Variants in PTRH1 observed in about 807,000 individuals in gnomAD.
The protein encoded by PTRH1 is peptidyl-tRNA hydrolase 1 homolog, also known as peptidyl-tRNA hydrolase.
A neutral mutation model predicts 15.7 loss-of-function variants in PTRH1; 13 were observed. The observed-to-expected ratio is 0.83, with a 90% CI of 0.54 to 1.31. PTRH1 has a LOEUF of 1.31. PTRH1 is among the 40% of genes most tolerant of loss of function. The pLI is 0.00. For synonymous variants in PTRH1, 139 were observed against 136.7 expected (o/e 1.02, Z -0.12); for missense variants, 319 against 296.2 (o/e 1.08, Z -0.56).
At chr9:127,712,949 G>C, downstream of PTRH1, 1 of 1,592,144 alleles carries the variant, frequency 6.3e-7, no homozygotes, top group South Asian at 1.1e-5. Flanking sequence ...CATGGGGACA[G>C]TGCTCGGCTC....
At chr9:127,704,052 A>G (rs891185500) in intron 1 of PTRH1, among the ~76,000 whole-genome samples, 8 of 152,184 alleles carry the variant, frequency 5.3e-5, no homozygotes, top group Non-Finnish European at 1.2e-4. Context: ...TGTCTTTTTG[A>G]CCACACCTGC....
At chr9:127,695,434 C>G (rs1279490167) in intron 1 of PTRH1, 1 of 357,816 alleles carries the variant, frequency 2.8e-6, no homozygotes, top group African/African-American at 2.1e-5. Context: ...CATGGGTAAA[C>G]AGCAAACTGT....
Position 127,714,392 on chromosome 9 carries a change from C to T in PTRH1, c.449G>A (p.Cys150Tyr). The change falls in exon 4 of 5, where the codon TGC becomes TAC. Residue 150 changes from cysteine to tyrosine, a missense_variant. Physicochemically the swap from Cys to Tyr is radical, Grantham distance 194. Transcript: ENST00000543175. Reference sequence around the variant, plus strand: ...GGGTAGACTCACATTGGAGTTGAGGCAGCTAATGCAGGAACGGACTCCATT... The same window carrying T: ...GGGTAGACTCACATTGGAGTTGAGGTAGCTAATGCAGGAACGGACTCCATT... ...GHNGVRSCIS[C>Y]LNSNAMPRLR... is the part of the protein sequence containing the mutation. 6.2e-7 allele frequency: 1 copy of T among 1,614,234 alleles called. No homozygotes were observed. Among genetic ancestry groups the T allele is most frequent in the Non-Finnish European group, 8.5e-7 (1 of 1,180,038 alleles).
intron 3 of PTRH1, 44 bp from the exon 4 acceptor site, chr9:127,714,468 G>A (rs532352548): frequency 6.2e-7 from 1 of 1,611,126 alleles, no homozygotes; most frequent in South Asian, 1.1e-5. Flanking sequence ...CCCTGGGGCA[G>A]TGTCCTTCCA....
downstream of PTRH1, chr9:127,709,623 G>A (rs963690829): frequency 1.2e-5 from 19 of 1,613,738 alleles, no homozygotes; most frequent in South Asian, 7.7e-5. This position sits in a 1 kb window ranked among gnomAD's most constrained non-coding sequence, Gnocchi z 4.7. Context: ...CCTTCGAGGC[G>A]CAGCTGGCCC....
chr9:127,712,638 T>G (rs1842793219), downstream of PTRH1: 1 of 1,612,038 alleles, frequency 6.2e-7, no homozygotes, highest in East Asian at 2.2e-5. Context: ...GGCACTGAGG[T>G]TGGAATTTCC....
intron 1 of PTRH1, among the ~76,000 whole-genome samples, chr9:127,703,849 A>G (rs1336679809): frequency 6.6e-6 from 1 of 152,290 alleles, no homozygotes; most frequent in East Asian, 1.9e-4. Flanking sequence ...TCAACCTGCC[A>G]CACCTGGAGA....
At chr9:127,711,253 C>T (rs1213792265), downstream of PTRH1, 16 of 1,613,978 alleles carry the variant, frequency 9.9e-6, no homozygotes, top group Non-Finnish European at 1.3e-5. Context: ...TCATCCAGCG[C>T]GTGAACCTCG....
At chr9:127,714,941 G>GCCCCCCCCCCCCCCCCCCCCC in intron 2 of PTRH1, 34 bp downstream of exon 2, 3 of 446,380 alleles carry the variant, frequency 6.7e-6, no homozygotes, top group Non-Finnish European at 1.2e-5. Context: ...CACCCCCTTG[G>GCCCCCCCCCCCCCCCCCCCCC]CCCGCCCGCC....
Position 127,714,394 on chromosome 9 carries a change from G to C in PTRH1, c.447C>G (p.Ser149Arg). ...GTAGACTCACATTGGAGTTGAGGCA[G>C]CTAATGCAGGAACGGACTCCATTGT... ...RGHNGVRSCI[S>R]CLNSNAMPRL... Residue 149 changes from serine to arginine, a missense_variant, in exon 4 of 5, where the codon AGC becomes AGG. Coordinates refer to ENST00000543175, the MANE Select transcript of PTRH1 (RefSeq NM_001002913.3). 6.2e-7 allele frequency: 1 copy of C among 1,614,244 alleles called. No homozygotes were observed. The highest frequency in any genetic ancestry group is 8.5e-7 in the Non-Finnish European group (1 of 1,180,034).
In PTRH1 at chr9:127,694,849, C is replaced by T. The variant is rs1288841718; in HGVS notation, c.420+78G>A. The T allele has an allele frequency of 8.0e-6, 5 of 625,828 alleles. No homozygotes were observed. The African/African-American group carries it at 9.1e-5, about 11-fold the overall frequency. The allele number at this position is 625,828 out of a possible 1,614,324, so 38.8% of individuals were successfully genotyped here. ...ACCGTTGGAGACTTTTAGCAGTGGC[C>T]TGTGGGTTCCATCTCTTCTGGGTAC... is the stretch of plus-strand genomic sequence containing the variant. On this transcript the variant is annotated intron_variant, in intron 2 of 2. Transcript: ENST00000335223.
At chr9:127,706,794 C>T (rs1367606824) in intron 1 of PTRH1, among the ~76,000 whole-genome samples, 1 of 152,194 alleles carries the variant, frequency 6.6e-6, no homozygotes, top group African/African-American at 2.4e-5. Flanking sequence ...CCCAGAAGCC[C>T]AAAAAGTTGC....
intron 1 of PTRH1, among the ~76,000 whole-genome samples, chr9:127,697,707 CA>C (rs1056400196): frequency 3.3e-5 from 5 of 152,170 alleles, no homozygotes; most frequent in Non-Finnish European, 7.3e-5. Context: ...CACCAGATGA[CA>C]AGGCTGGTGG....
chr9:127,704,185 G>T (rs1467171867), intron 1 of PTRH1, among the ~76,000 whole-genome samples: 3 of 152,082 alleles, frequency 2.0e-5, no homozygotes, highest in Non-Finnish European at 4.4e-5. Flanking sequence ...ATACCAGCTG[G>T]GTATCCAACA....
downstream of PTRH1, chr9:127,713,255 G>C: frequency 7.2e-7 from 1 of 1,387,364 alleles, no homozygotes; most frequent in Non-Finnish European, 9.8e-7. Flanking sequence ...GCTAGTCCTG[G>C]GTACAAACTG....
chr9:127,704,103 G>T (rs1399881580), intron 1 of PTRH1, among the ~76,000 whole-genome samples: 1 of 152,216 alleles, frequency 6.6e-6, no homozygotes, highest in Non-Finnish European at 1.5e-5. Context: ...ACGACACAGA[G>T]CTGGGGGGTT....
In PTRH1 at chr9:127,714,048, G is replaced by C; in HGVS notation, c.*52C>G. ...AGGCTGGCGTGGCAGCTCTGTGGCAGTGGCTGGGTTGGTGGGCACTACAGT... is the reference window on the plus strand; with the variant it reads ...AGGCTGGCGTGGCAGCTCTGTGGCACTGGCTGGGTTGGTGGGCACTACAGT... On this transcript the variant is annotated 3_prime_UTR_variant, in exon 5 of 5. Coordinates refer to ENST00000543175, the MANE Select transcript of PTRH1 (RefSeq NM_001002913.3). 6.3e-7 allele frequency: 1 copy of C among 1,597,176 alleles called. No individual in the cohort carries two copies. The highest frequency in any genetic ancestry group is 8.6e-7 in the Non-Finnish European group (1 of 1,168,466).
chr9:127,712,714 C>A (rs1000115192), downstream of PTRH1: 1 of 1,614,174 alleles, frequency 6.2e-7, no homozygotes. Flanking sequence ...AACAGATGCA[C>A]CGCGATGAAG....
Position 127,714,680 on chromosome 9 carries a change from G to C in PTRH1, c.339C>G (p.Ala113=), listed in dbSNP as rs1272226329. ...CATCATGCACCAGGTAGACTTCCTC[G>C]GCAGTCAGCCCAAACAGCTCCGCTT... ...ARAAELFGLT[A]EEVYLVHDEL... The change falls in exon 3 of 5, where the codon GCC becomes GCG. Residue 113 remains alanine (A), a synonymous_variant. Coordinates refer to ENST00000543175, the MANE Select transcript of PTRH1 (RefSeq NM_001002913.3). 1.2e-6 allele frequency: 2 copies of C among 1,613,276 alleles called. No individual in the cohort carries two copies. Among genetic ancestry groups the C allele is most frequent in the Non-Finnish European group, 1.7e-6 (2 of 1,179,658 alleles).
Sources: allele counts gnomAD v4.1 joint callset (sites outside exome capture counted in the v4.1 genomes callset), GRCh38; gene constraint gnomAD v4.1.1; non-coding constraint Gnocchi (gnomAD v3.1); transcripts MANE v1.5; gene names NCBI Gene and HGNC (gene_info 2026-07-23, HGNC 2026-07-21).